Variants in CFLAR observed in about 807,000 individuals in gnomAD.
CFLAR encodes the protein CASP8 and FADD like apoptosis regulator, also known as CASP8 and FADD-like apoptosis regulator.
CFLAR carries 14 observed loss-of-function variants against 51.1 expected under a neutral mutation model. The observed-to-expected ratio is 0.27, with a 90% confidence interval of 0.18 to 0.43. The LOEUF (loss-of-function observed/expected upper bound fraction) is 0.43. CFLAR is among the 20% of genes least tolerant of loss of function. The pLI is 1.00. For missense variants in CFLAR, 390 were observed against 566.5 expected, an observed-to-expected ratio of 0.69 and a Z score of 3.16; for synonymous variants, 210 against 211.6, an observed-to-expected ratio of 0.99 and a Z score of 0.06.
Position 201,138,526 on chromosome 2 carries a change from C to T in CFLAR, c.524-1831C>T. 6.5e-7 allele frequency: 1 copy of T among 1,539,066 alleles called. No individual in the cohort carries two copies. Among genetic ancestry groups the T allele is most frequent in the Non-Finnish European group, 8.9e-7 (1 of 1,123,704 alleles). On this transcript the variant is annotated intron_variant, in intron 4 of 9. Coordinates refer to ENST00000309955, the MANE Select transcript of CFLAR (RefSeq NM_003879.7). The surrounding 1 kb of genome is among the most constrained non-coding windows in gnomAD (Gnocchi z 4.0). Reference sequence around the variant, plus strand: ...ACTAGCTTGATCCTTGGCATCATCACCTCACTGAGGAGGGTGGTGTGGTCC... The same window carrying T: ...ACTAGCTTGATCCTTGGCATCATCATCTCACTGAGGAGGGTGGTGTGGTCC...
At position 201,129,732 on chromosome 2, in the gene CFLAR, T is replaced by G; in HGVS notation, c.-134T>G. 1.2e-6 allele frequency: 1 copy of G among 802,912 alleles called. No individual in the cohort carries two copies. The highest frequency in any genetic ancestry group is 2.0e-6 in the Non-Finnish European group (1 of 495,228). The allele number at this position is 802,912 out of a possible 1,614,324, so 49.7% of individuals were successfully genotyped here. A position where few individuals can be genotyped will look rare whatever the true frequency, so the allele number is the denominator to read the frequency against. On this transcript the variant is annotated 5_prime_UTR_variant, in exon 2 of 10. Transcript: ENST00000309955. ...AAAAATTCCCTTTTAACCACAGAACTCCCCCACTGGAAAGGATTCTGAAAG... is the reference window on the plus strand; with the variant it reads ...AAAAATTCCCTTTTAACCACAGAACGCCCCCACTGGAAAGGATTCTGAAAG...
chr2:201,158,849 C>CATTATTATTATTATTATT (rs201037431), intron 8 of CFLAR, among the ~76,000 whole-genome samples: 56 of 143,744 alleles, frequency 3.9e-4, no homozygotes, highest in East Asian at 2.2e-3. Context: ...CATTTGCCCT[C>CATTATTATTATTATTATT]ATCATTATTA....
chr2:201,133,928 C>CAAAAAA (rs1267307823), intron 3 of CFLAR, among the ~76,000 whole-genome samples: 7 of 49,844 alleles, frequency 1.4e-4, no homozygotes, highest in Admixed American at 5.4e-4. Flanking sequence ...GACTCCATCT[C>CAAAAAA]AAAAAAAAAA....
At chr2:201,147,469 C>T (rs551424422) in intron 6 of CFLAR, among the ~76,000 whole-genome samples, 2 of 152,076 alleles carry the variant, frequency 1.3e-5, no homozygotes, top group Admixed American at 1.3e-4. Context: ...GTGGAGGTTG[C>T]AGTGAGCCGA....
rs545535038 is a variant in CFLAR, at chr2:201,174,222, C to T, written c.*10249C>T. 1 of 152,114 alleles carries T rather than the reference C, an allele frequency of 6.6e-6. No individual in the cohort carries two copies. Among genetic ancestry groups the T allele is most frequent in the South Asian group, 2.1e-4 (1 of 4,814 alleles). 9.4% of individuals were successfully genotyped at this position (152,114 alleles called of 1,614,324 possible). On this transcript the variant is annotated 3_prime_UTR_variant, in exon 10 of 10. Transcript: ENST00000309955. ...AAATCAATTGCCTATGAGGTGTTACCCCTATGTTTTCTTCTAAAGTTTTAT... is the reference window on the plus strand; with the variant it reads ...AAATCAATTGCCTATGAGGTGTTACTCCTATGTTTTCTTCTAAAGTTTTAT...
chr2:201,149,199 C>A (rs186186306), intron 7 of CFLAR, 147 bp downstream of exon 7: 1 of 574,620 alleles, frequency 1.7e-6, no homozygotes, highest in Non-Finnish European at 3.1e-6. Context: ...TACAAGGGAA[C>A]CCTGAATAAC....
chr2:201,144,919 C>T (rs533638155), intron 5 of CFLAR, among the ~76,000 whole-genome samples: 6 of 152,258 alleles, frequency 3.9e-5, no homozygotes, highest in African/African-American at 1.4e-4. Flanking sequence ...ATGGCACCAT[C>T]TCAGCTCACT....
chr2:201,132,976 G>C, intron 2 of CFLAR, 53 bp from the exon 3 acceptor site: 1 of 1,573,712 alleles, frequency 6.4e-7, no homozygotes, highest in Non-Finnish European at 8.7e-7. Flanking sequence ...GGCACTTGGA[G>C]TTGTCTTAGG....
intron 9 of CFLAR, chr2:201,162,914 GCA>G (rs1309584687): frequency 9.1e-6 from 6 of 661,198 alleles, no homozygotes; most frequent in African/African-American, 3.5e-5. Flanking sequence ...TTCAGTTGTT[GCA>G]CAGTGTTTGC....
chr2:201,128,011 T>TAG (rs1371894463), intron 1 of CFLAR, among the ~76,000 whole-genome samples: 2 of 152,208 alleles, frequency 1.3e-5, no homozygotes, highest in Non-Finnish European at 2.9e-5. Flanking sequence ...TGTAAAAAAA[T>TAG]AGAGAATTAA....
At chr2:201,132,818 T>C in intron 2 of CFLAR, 1 of 419,782 alleles carries the variant, frequency 2.4e-6, no homozygotes, top group Admixed American at 4.0e-5. Flanking sequence ...CCATCTCCTA[T>C]TAAACGGGCA....
chr2:201,127,076 T>G (rs1186449257), intron 1 of CFLAR, among the ~76,000 whole-genome samples: 5 of 151,264 alleles, frequency 3.3e-5, no homozygotes, highest in Non-Finnish European at 7.4e-5. Flanking sequence ...CCTTTAAAAT[T>G]CTAGAAAACA....
intron 8 of CFLAR, among the ~76,000 whole-genome samples, chr2:201,155,347 CCT>C (rs1941987722): frequency 6.6e-6 from 1 of 151,794 alleles, no homozygotes; most frequent in African/African-American, 2.4e-5. Context: ...CTCACTGCAA[CCT>C]CTGTCTCCCG....
rs1387738741 is a variant in CFLAR at position 201,168,636 on chromosome 2, GAAAC to G, written c.*4667_*4670del. On this transcript the variant is annotated 3_prime_UTR_variant, in exon 10 of 10. Transcript: ENST00000309955. ...TTCTGGCCAAGAAAATCAGGCAAGA[GAAAC>G]AAATAAGGGGTATTCAAATAGGAAA... 6.6e-6 allele frequency: 1 copy of G among 151,838 alleles called. No individual in the cohort carries two copies. The highest frequency in any genetic ancestry group is 1.5e-5 in the Non-Finnish European group (1 of 68,026). 9.4% of individuals were successfully genotyped at this position (151,838 alleles called of 1,614,324 possible).
Position 201,169,856 on chromosome 2 carries a change from C to T in CFLAR, c.*5883C>T, listed in dbSNP as rs1324169958. Reference sequence around the variant, plus strand: ...TGGCCAACAAACATATAAAAAAAAGCTCAACCTTACTGATCATTAGAGAAA... The same window carrying T: ...TGGCCAACAAACATATAAAAAAAAGTTCAACCTTACTGATCATTAGAGAAA... On this transcript the variant is annotated 3_prime_UTR_variant, in exon 10 of 10. Transcript: ENST00000309955. 2 of 152,174 alleles carry T rather than the reference C, an allele frequency of 1.3e-5. No homozygotes were observed. Among genetic ancestry groups the T allele is most frequent in the Non-Finnish European group, 2.9e-5 (2 of 68,028 alleles). The allele number at this position is 152,174 out of a possible 1,614,324, so 9.4% of individuals were successfully genotyped here.
At chr2:201,145,573 C>G (rs984856224) in intron 6 of CFLAR, 141 bp downstream of exon 6, 2 of 615,048 alleles carry the variant, frequency 3.3e-6, no homozygotes, top group Non-Finnish European at 5.8e-6. Flanking sequence ...TAAACTCTTA[C>G]GATAGACTCA....
At chr2:201,135,896 G>C in intron 3 of CFLAR, 76 bp from the exon 4 acceptor site, 1 of 1,543,994 alleles carries the variant, frequency 6.5e-7, no homozygotes, top group African/African-American at 1.4e-5. Context: ...CAAAGTGCTG[G>C]GATTACAGGT....
intron 1 of CFLAR, among the ~76,000 whole-genome samples, chr2:201,127,784 A>AT (rs1301022161): frequency 2.6e-5 from 4 of 152,044 alleles, no homozygotes; most frequent in African/African-American, 9.7e-5. Flanking sequence ...AGTAATCTAG[A>AT]TTTTGCTGCC....
chr2:201,141,732 T>C, intron 5 of CFLAR: 1 of 845,114 alleles, frequency 1.2e-6, no homozygotes, highest in Non-Finnish European at 1.5e-6. Flanking sequence ...ATGGTTGTTG[T>C]GTTCCTAGTA....
Sources: gnomAD v4.1 joint callset for allele counts (sites outside exome capture counted in the v4.1 genomes callset) on GRCh38, gnomAD v4.1.1 for gene constraint, Gnocchi (gnomAD v3.1) non-coding constraint, MANE v1.5 for transcripts, NCBI Gene and HGNC (gene_info 2026-07-23, HGNC 2026-07-21) for gene names.